Variants in IL6ST observed in about 807,000 individuals in gnomAD.
IL6ST encodes interleukin 6 cytokine family signal transducer.
A neutral mutation model predicts 91.3 loss-of-function variants in IL6ST; 24 were observed. The observed-to-expected ratio is 0.26, with a 90% CI of 0.19 to 0.37. IL6ST has a LOEUF of 0.37. Among genes scored for constraint, IL6ST ranks in the 10% least tolerant of loss-of-function variants. The probability of loss-of-function intolerance (pLI) is 1.00; values close to 1 mark genes in which losing one functional copy is unlikely to be tolerated. For missense variants in IL6ST, 914 were observed against 1,078.5 expected (o/e 0.85, Z 2.14); for synonymous variants, 351 against 373.6 (o/e 0.94, Z 0.70).
Position 55,939,706 on chromosome 5 carries a change from G to A in IL6ST, c.*1376C>T, listed in dbSNP as rs757066261. ...TTTAGCATCTGCTTCCATATCGCAC[G>A]TGGTGGTTAGGGGACAGCATAAGTA... is the stretch of plus-strand genomic sequence containing the variant. On this transcript the variant is annotated 3_prime_UTR_variant, in exon 17 of 17. Coordinates refer to ENST00000381298, the MANE Select transcript of IL6ST (RefSeq NM_002184.4). The A allele has an allele frequency of 1.5e-4, 31 of 207,342 alleles. No homozygotes were observed. The highest frequency in any genetic ancestry group is 3.0e-4 in the African/African-American group (13 of 43,932). 12.8% of individuals were successfully genotyped at this position (207,342 alleles called of 1,614,324 possible).
At chr5:55,950,196 G>A (rs780135030) in intron 14 of IL6ST, 2 of 493,776 alleles carry the variant, frequency 4.1e-6, no homozygotes, top group East Asian at 5.8e-5. Context: ...GAAGGAAAGA[G>A]AAGATGGCTA....
chr5:55,948,779 C>A (rs1017330678), intron 14 of IL6ST: 2 of 152,160 alleles, frequency 1.3e-5, no homozygotes, highest in Non-Finnish European at 2.9e-5. Context: ...TAACTCAAGG[C>A]TCAAGTATTT....
intron 2 of IL6ST, among the ~76,000 whole-genome samples, chr5:55,978,594 C>G (rs895606313): frequency 6.6e-6 from 1 of 152,156 alleles, no homozygotes; most frequent in Non-Finnish European, 1.5e-5. Flanking sequence ...GGCGTGGTGG[C>G]GGCCGCCTGT....
chr5:55,982,047 T>G (rs1010845079), intron 2 of IL6ST, among the ~76,000 whole-genome samples: 3 of 152,194 alleles, frequency 2.0e-5, no homozygotes, highest in Non-Finnish European at 2.9e-5. Flanking sequence ...TAGAATAAAT[T>G]CAAGATTATC....
At chr5:55,951,414 TCTAAC>T (rs1751621513) in intron 14 of IL6ST, 45 bp downstream of exon 14, 1 of 1,435,678 alleles carries the variant, frequency 7.0e-7, no homozygotes, top group African/African-American at 1.4e-5. Context: ...TAAGTTCATT[TCTAAC>T]CTAAGTTTGA....
rs752811816 is a variant in IL6ST, at chr5:55,955,009, G to GAATATTGA, written c.1268-25_1268-18dup. 174 of 1,498,522 alleles carry GAATATTGA rather than the reference G, an allele frequency of 1.2e-4. 1 individual carries two copies. The highest frequency in any genetic ancestry group is 1.1e-4 in the Non-Finnish European group (125 of 1,098,396). The allele number at this position is 1,498,522 out of a possible 1,614,324, so 92.8% of individuals were successfully genotyped here. On this transcript the variant is annotated splice_polypyrimidine_tract_variant and intron_variant, in intron 10 of 16. Coordinates refer to ENST00000381298, the MANE Select transcript of IL6ST (RefSeq NM_002184.4). The stretch of plus-strand genomic sequence containing the variant: ...GGTGAGTAGCTTTAAAACAAAGTTT[G>GAATATTGA]AATATTGAAATAATAAATATTAACA...
chr5:55,977,718 C>T (rs1447864472), intron 2 of IL6ST, among the ~76,000 whole-genome samples: 1 of 151,990 alleles, frequency 6.6e-6, no homozygotes, highest in Non-Finnish European at 1.5e-5. Context: ...GCCAGCTACT[C>T]GGGAGGCTGA....
rs1751346303 is a variant in IL6ST, at chr5:55,947,578, T to C, written c.1852A>G (p.Ile618Val). The C allele has an allele frequency of 2.2e-6, 3 of 1,345,368 alleles. No homozygotes were observed. Among genetic ancestry groups the C allele is most frequent in the Non-Finnish European group, 2.0e-6 (2 of 976,596 alleles). 83.3% of individuals were successfully genotyped at this position (1,345,368 alleles called of 1,614,324 possible). ...FTTPKFAQGE[I>V]EAIVVPVCLA... ...CAAACAGGCACGACTATGGCTTCAA[T>C]TTCTCCTTGAGCTTAAAAAAAAAAA... Residue 618 changes from isoleucine (I) to valine (V), a missense_variant, in exon 15 of 17, where the codon ATT becomes GTT. Transcript: ENST00000381298.
rs1476801883 is a variant in IL6ST at position 55,937,022 on chromosome 5, A to G, written c.*4060T>C. 3 of 200,812 alleles carry G rather than the reference A, an allele frequency of 1.5e-5. No individual in the cohort carries two copies. Among genetic ancestry groups the G allele is most frequent in the South Asian group, 1.9e-4 (1 of 5,234 alleles). The allele number at this position is 200,812 out of a possible 1,614,324, so 12.4% of individuals were successfully genotyped here. ...CATATTGAGACTAGAGAATTTTCAAATATCTACCTTTGAAATATCCCTTTG... is the reference window on the plus strand; with the variant it reads ...CATATTGAGACTAGAGAATTTTCAAGTATCTACCTTTGAAATATCCCTTTG... On this transcript the variant is annotated 3_prime_UTR_variant, in exon 17 of 17. Coordinates refer to ENST00000381298, the MANE Select transcript of IL6ST (RefSeq NM_002184.4).
intron 3 of IL6ST, among the ~76,000 whole-genome samples, chr5:55,970,358 T>C (rs1185906529): frequency 1.3e-5 from 2 of 152,128 alleles, no homozygotes; most frequent in Non-Finnish European, 2.9e-5. Flanking sequence ...ACAGGAAGAA[T>C]AGAACAAGAT....
intron 1 of IL6ST, among the ~76,000 whole-genome samples, chr5:55,992,952 C>T (rs911985189): frequency 6.6e-6 from 1 of 152,226 alleles, no homozygotes; most frequent in African/African-American, 2.4e-5. Context: ...ACATCTCCTG[C>T]ACCTTTGTGA....
Position 55,954,912 on chromosome 5 carries a change from C to T in IL6ST, c.1348G>A (p.Val450Ile), listed in dbSNP as rs2111702496. Reference protein sequence around the residue: ...WVEWTTPRESVKKYILEWCVL... With the variant: ...WVEWTTPRESIKKYILEWCVL... ...CACCACTCAAGTATATATTTCTTTA[C>T]AGATTCCCTTGGAGTAGTCCATTCC... Residue 450 changes from valine (V) to isoleucine (I), a missense_variant, in exon 11 of 17, where the codon GTA becomes ATA. Transcript: ENST00000381298. The T allele has an allele frequency of 6.2e-7, 1 of 1,613,100 alleles. No individual in the cohort carries two copies. The highest frequency in any genetic ancestry group is 8.5e-7 in the Non-Finnish European group (1 of 1,179,178).
chr5:55,966,400 G>GT (rs1358186340), intron 5 of IL6ST, among the ~76,000 whole-genome samples: 1 of 152,218 alleles, frequency 6.6e-6, no homozygotes, highest in African/African-American at 2.4e-5. Context: ...CTTTTTAGGT[G>GT]TGTTAGTCAT....
chr5:55,958,765 G>A (rs1752130640), intron 8 of IL6ST, among the ~76,000 whole-genome samples: 1 of 151,732 alleles, frequency 6.6e-6, no homozygotes, highest in East Asian at 1.9e-4. Context: ...CTTCAGCCTT[G>A]GAGGTAGAGG....
At chr5:55,970,558 C>T (rs1428304876) in intron 3 of IL6ST, among the ~76,000 whole-genome samples, 1 of 152,068 alleles carries the variant, frequency 6.6e-6, no homozygotes, top group Non-Finnish European at 1.5e-5. Context: ...CATGGTGGTG[C>T]ACGCCTATAG....
chr5:55,956,791 A>G (rs1255058900), intron 9 of IL6ST, among the ~76,000 whole-genome samples: 2 of 152,346 alleles, frequency 1.3e-5, no homozygotes, highest in East Asian at 3.9e-4. Flanking sequence ...TAAAAATAGT[A>G]ATCAAATGCT....
intron 14 of IL6ST, 129 bp from the exon 15 acceptor site, chr5:55,947,718 T>G: frequency 1.7e-6 from 1 of 598,464 alleles, no homozygotes; most frequent in African/African-American, 1.9e-5. Context: ...ATCCTAATTA[T>G]TTTTCAAGGT....
At position 55,938,464 on chromosome 5, in the gene IL6ST, C is replaced by G; in HGVS notation, c.*2618G>C. The stretch of plus-strand genomic sequence containing the variant: ...ATCAGTAACTGACAAGTTATAATAT[C>G]AACACATGTAACATTTGGGTCATTA... On this transcript the variant is annotated 3_prime_UTR_variant, in exon 17 of 17. Transcript: ENST00000381298. 5.1e-6 allele frequency: 1 copy of G among 195,470 alleles called. No individual in the cohort carries two copies. The highest frequency in any genetic ancestry group is 1.1e-5 in the Non-Finnish European group (1 of 93,856). The allele number at this position is 195,470 out of a possible 1,614,324, so 12.1% of individuals were successfully genotyped here.
intron 2 of IL6ST, chr5:55,978,356 T>C (rs1753439126): frequency 6.6e-6 from 1 of 152,180 alleles, no homozygotes; most frequent in Non-Finnish European, 1.5e-5. Context: ...GAGGGAGACA[T>C]TATCTGTATC....
Sources: gnomAD v4.1 joint callset for allele counts (sites outside exome capture counted in the v4.1 genomes callset) on GRCh38, gnomAD v4.1.1 for gene constraint, MANE v1.5 for transcripts, NCBI Gene and HGNC (gene_info 2026-07-23, HGNC 2026-07-21) for gene names.